CENPQ: variants seen among roughly 807,000 people sequenced by gnomAD.
CENPQ encodes centromere protein Q.
CENPQ carries 27 observed loss-of-function variants against 36.6 expected under a neutral mutation model. The ratio of observed to expected loss-of-function variants is 0.74; its 90% CI spans 0.54 to 1.02. CENPQ has a LOEUF of 1.02. CENPQ is among the 50% of genes least tolerant of loss of function. CENPQ has a pLI of 0.00. For missense variants in CENPQ, 306 were observed against 301.8 expected (o/e 1.01, Z -0.10); for synonymous variants, 101 against 101.7 (o/e 0.99, Z 0.04).
At chr6:49,471,978 T>C in intron 3 of CENPQ, 85 bp from the exon 4 acceptor site, 2 of 1,415,180 alleles carry the variant, frequency 1.4e-6, no homozygotes, top group Non-Finnish European at 1.9e-6. Flanking sequence ...TTTCATAAGC[T>C]TTTTTAGATG....
rs9473565 is a variant in CENPQ, at chr6:49,486,155, G to A, written c.478-2197G>A. Among the ~76,000 whole-genome samples, 881 of 152,206 alleles carry A rather than the reference G, an allele frequency of 5.8e-3. 12 individuals carry two copies. The highest frequency in any genetic ancestry group is 0.02 in the African/African-American group (835 of 41,516). On this transcript the variant is annotated intron_variant, in intron 6 of 8. Transcript: ENST00000335783. The stretch of plus-strand genomic sequence containing the variant: ...AATAAAAAGCCACGTGAAAGCAAAG[G>A]CAGAAACTAGAGCAATGCAGCTACA...
In CENPQ at chr6:49,472,244, A is replaced by G. The variant is rs1768159104; in HGVS notation, c.278+61A>G. 3.7e-6 allele frequency: 5 copies of G among 1,337,184 alleles called. No homozygotes were observed. In the East Asian group the frequency reaches 1.0e-4, roughly 27 times the overall value. The allele number at this position is 1,337,184 out of a possible 1,614,324, so 82.8% of individuals were successfully genotyped here. A position where few individuals can be genotyped will look rare whatever the true frequency, so the allele number is the denominator to read the frequency against. ...TCCCATTTAGGTGTTTCCTATGGAT[A>G]TTATTCTTTTAAATATTGCTATCTA... is the stretch of plus-strand genomic sequence containing the variant. On this transcript the variant is annotated intron_variant, in intron 4 of 8. Coordinates refer to ENST00000335783, the MANE Select transcript of CENPQ (RefSeq NM_018132.4).
At chr6:49,477,692 A>G (rs1768331287) in intron 5 of CENPQ, among the ~76,000 whole-genome samples, 1 of 152,134 alleles carries the variant, frequency 6.6e-6, no homozygotes, top group South Asian at 2.1e-4. Flanking sequence ...ATAATTTTCA[A>G]CCCACAATAG....
At chr6:49,484,935 C>A (rs980254470) in intron 6 of CENPQ, among the ~76,000 whole-genome samples, 4 of 152,066 alleles carry the variant, frequency 2.6e-5, no homozygotes, top group Admixed American at 2.6e-4. Context: ...TTATGCACAT[C>A]AGTTAAGGGT....
At chr6:49,484,199 T>G (rs1460938208) in intron 6 of CENPQ, among the ~76,000 whole-genome samples, 2 of 152,248 alleles carry the variant, frequency 1.3e-5, no homozygotes, top group Admixed American at 6.5e-5. Flanking sequence ...GTTATATCCC[T>G]TAATCCTCAC....
intron 1 of CENPQ, among the ~76,000 whole-genome samples, chr6:49,468,106 G>C (rs1768043545): frequency 1.3e-5 from 2 of 152,144 alleles, no homozygotes; most frequent in Non-Finnish European, 2.9e-5. Context: ...TCCAAAATTT[G>C]GGATTGGGAG....
chr6:49,484,082 C>T (rs1768522146), intron 6 of CENPQ, among the ~76,000 whole-genome samples: 1 of 152,130 alleles, frequency 6.6e-6, no homozygotes, highest in Non-Finnish European at 1.5e-5. Flanking sequence ...AATTTTAAAA[C>T]GTGGAAATTT....
At chr6:49,486,114 C>T (rs572078088) in intron 6 of CENPQ, among the ~76,000 whole-genome samples, 28 of 152,174 alleles carry the variant, frequency 1.8e-4, no homozygotes, top group African/African-American at 6.5e-4. Context: ...CCACGTGAAA[C>T]ACAATAGAAG....
intron 6 of CENPQ, among the ~76,000 whole-genome samples, chr6:49,484,657 C>G (rs1480801999): frequency 6.6e-6 from 1 of 152,150 alleles, no homozygotes; most frequent in East Asian, 1.9e-4. Context: ...TCCCATTTTT[C>G]CATAGGATTG....
chr6:49,476,605 T>G (rs898498805), intron 5 of CENPQ, among the ~76,000 whole-genome samples: 10 of 151,942 alleles, frequency 6.6e-5, no homozygotes, highest in African/African-American at 9.7e-5. Context: ...CTTCTGCACA[T>G]CAAAAGAAAC....
intron 1 of CENPQ, among the ~76,000 whole-genome samples, chr6:49,468,300 G>A (rs532925966): frequency 6.6e-6 from 1 of 152,014 alleles, no homozygotes; most frequent in Non-Finnish European, 1.5e-5. Flanking sequence ...TGGGTTATAA[G>A]AGCAAGTGTT....
At chr6:49,485,994 A>G (rs1768570129) in intron 6 of CENPQ, among the ~76,000 whole-genome samples, 1 of 152,214 alleles carries the variant, frequency 6.6e-6, no homozygotes, top group Non-Finnish European at 1.5e-5. Context: ...CTTGTCCAAT[A>G]TAATTAAGGA....
intron 1 of CENPQ, among the ~76,000 whole-genome samples, chr6:49,466,902 G>A (rs761461580): frequency 1.5e-4 from 23 of 152,102 alleles, no homozygotes; most frequent in Non-Finnish European, 1.2e-4. Flanking sequence ...ATTTACCCTC[G>A]TTGCAGGACT....
Position 49,492,402 on chromosome 6 carries a change from T to G in CENPQ, c.*127T>G. ...GATTTATTATCTCCTGATATGCACT[T>G]TAAAATTAGTCTTTGTAGTTCTATC... On this transcript the variant is annotated 3_prime_UTR_variant, in exon 9 of 9. Transcript: ENST00000335783. The G allele has an allele frequency of 1.3e-6, 1 of 787,050 alleles. No homozygotes were observed. Among genetic ancestry groups the G allele is most frequent in the Non-Finnish European group, 1.9e-6 (1 of 530,004 alleles). 48.8% of individuals were successfully genotyped at this position (787,050 alleles called of 1,614,324 possible).
chr6:49,472,733 A>G (rs1195923847), intron 4 of CENPQ, 57 bp from the exon 5 acceptor site: 2 of 1,304,470 alleles, frequency 1.5e-6, no homozygotes, highest in Non-Finnish European at 1.0e-6. Context: ...AAAAGTACAA[A>G]GAGTATATGA....
chr6:49,481,230 T>A, intron 6 of CENPQ, 150 bp downstream of exon 6: 1 of 648,084 alleles, frequency 1.5e-6, no homozygotes, highest in Non-Finnish European at 2.4e-6. Context: ...GTTGTTGTTT[T>A]CATTAAAGCA....
chr6:49,489,306 C>T (rs928498428), intron 8 of CENPQ, among the ~76,000 whole-genome samples: 1 of 152,150 alleles, frequency 6.6e-6, no homozygotes, highest in Non-Finnish European at 1.5e-5. Context: ...TCTCAAGAAA[C>T]CACTTTCTTT....
Position 49,472,124 on chromosome 6 carries a change from G to A in CENPQ, c.219G>A (p.Trp73Ter). The A allele has an allele frequency of 6.2e-7, 1 of 1,612,616 alleles. No individual in the cohort carries two copies. Among genetic ancestry groups the A allele is most frequent in the South Asian group, 1.1e-5 (1 of 90,862 alleles). ...GKTAASKRKTWQPLSKSTRDH... is the reference protein window; with the variant it reads ...GKTAASKRKT ...CAGCAGCCAGCAAGAGAAAAACCTG[G>A]CAACCTCTGTCAAAGAGTACCAGAG... The change falls in exon 4 of 9, where the codon TGG (tryptophan) becomes TGA (stop). Residue 73 changes from tryptophan to a stop codon, truncating the protein, a stop_gained. Coordinates refer to ENST00000335783, the MANE Select transcript of CENPQ (RefSeq NM_018132.4). LOFTEE classifies it high-confidence loss of function.
chr6:49,492,150 AT>A lies in CENPQ; in HGVS notation c.686del (p.Leu229TrpfsTer3). ...AATACTATCTTTCCCACAGAAAGAA[AT>A]TTTGGCGCTAATTCCAAACCAGAAT... ...TLKAPTLQKEILALIPNQNAL... is the reference protein window; with the variant it reads ...TLKAPTLQKEXLALIPNQNAL... On this transcript the variant is annotated frameshift_variant, in exon 9 of 9. Coordinates refer to ENST00000335783, the MANE Select transcript of CENPQ (RefSeq NM_018132.4). LOFTEE classifies it high-confidence loss of function. The A allele has an allele frequency of 1.3e-6, 2 of 1,596,424 alleles. No individual in the cohort carries two copies. The highest frequency in any genetic ancestry group is 1.7e-4 in the Middle Eastern group (1 of 5,956).
Sources: allele counts gnomAD v4.1 joint callset (sites outside exome capture counted in the v4.1 genomes callset), GRCh38; gene constraint gnomAD v4.1.1; transcripts MANE v1.5; gene names NCBI Gene and HGNC (gene_info 2026-07-23, HGNC 2026-07-21).